Variants in NFKB1 observed in about 807,000 individuals in gnomAD.
The protein encoded by NFKB1 is nuclear factor kappa B subunit 1.
A neutral mutation model predicts 105.1 loss-of-function variants in NFKB1; 9 were observed. The ratio of observed to expected loss-of-function variants is 0.09; its 90% CI spans 0.05 to 0.15. The LOEUF is 0.15. NFKB1 is among the 10% of genes least tolerant of loss of function. The pLI, the probability that NFKB1 is intolerant of heterozygous loss-of-function variation, is 1.00. For missense variants in NFKB1, 830 were observed against 1,203.7 expected, an observed-to-expected ratio of 0.69 and a Z score of 4.59; for synonymous variants, 440 against 442.2, an observed-to-expected ratio of 1.00 and a Z score of 0.06.
At chr4:102,581,537 C>G (rs567032143) in intron 9 of NFKB1, among the ~76,000 whole-genome samples, 2 of 152,030 alleles carry the variant, frequency 1.3e-5, no homozygotes, top group East Asian at 3.9e-4. Flanking sequence ...GCCTGTAATC[C>G]CAGCACTTTG....
chr4:102,550,707 T>C (rs1722507266), intron 5 of NFKB1, among the ~76,000 whole-genome samples: 2 of 152,214 alleles, frequency 1.3e-5, no homozygotes, highest in Admixed American at 6.6e-5. Context: ...AAAATTTCTT[T>C]GTAGTTCTTT....
chr4:102,606,911 T>G (rs1227571826), intron 17 of NFKB1, among the ~76,000 whole-genome samples: 2 of 152,242 alleles, frequency 1.3e-5, no homozygotes, highest in South Asian at 4.1e-4. Context: ...AGCAGAGGCC[T>G]GAGTAAAGAT....
chr4:102,604,873 A>G (rs1727551975), intron 16 of NFKB1, among the ~76,000 whole-genome samples: 1 of 151,986 alleles, frequency 6.6e-6, no homozygotes. Flanking sequence ...GCCCACAGCC[A>G]TAGCATGAAG....
At chr4:102,567,501 A>G (rs1288675131) in intron 6 of NFKB1, among the ~76,000 whole-genome samples, 2 of 152,240 alleles carry the variant, frequency 1.3e-5, no homozygotes, top group Non-Finnish European at 2.9e-5. Flanking sequence ...AAACATAACT[A>G]TAGCAGAAAT....
chr4:102,530,906 T>C (rs966791255), intron 3 of NFKB1, among the ~76,000 whole-genome samples: 1 of 152,196 alleles, frequency 6.6e-6, no homozygotes, highest in Non-Finnish European at 1.5e-5. Context: ...TTTCTGTCTT[T>C]ACCCCTACAA....
In NFKB1 at chr4:102,607,660, T is replaced by C. The variant is rs4648099; in HGVS notation, c.2136T>C (p.His712=). The C allele has an allele frequency of 3.7e-6, 6 of 1,613,972 alleles. No individual in the cohort carries two copies. In the African/African-American group the frequency reaches 6.7e-5, roughly 18 times the overall value. ...AGCLLLEGDA[H]VDSTTYDGTT... Reference sequence around the variant, plus strand: ...GGGCTGGATTGTAGGGTGATGCCCATGTGGACAGTACTACCTACGATGGAA... The same window carrying C: ...GGGCTGGATTGTAGGGTGATGCCCACGTGGACAGTACTACCTACGATGGAA... The change falls in exon 19 of 24, where the codon CAT becomes CAC. Residue 712 remains histidine (H), a synonymous_variant. Coordinates refer to ENST00000226574, the MANE Select transcript of NFKB1 (RefSeq NM_003998.4).
chr4:102,506,201 AT>A (rs1047436780), intron 1 of NFKB1, among the ~76,000 whole-genome samples: 7 of 152,166 alleles, frequency 4.6e-5, no homozygotes, highest in Non-Finnish European at 1.0e-4. Flanking sequence ...GAAAAATGTA[AT>A]TTTTTGGTGA....
chr4:102,554,254 G>T (rs935921541), intron 5 of NFKB1, among the ~76,000 whole-genome samples: 1 of 152,104 alleles, frequency 6.6e-6, no homozygotes, highest in Non-Finnish European at 1.5e-5. Flanking sequence ...TAACCCAAAT[G>T]TTTTTATCTG....
chr4:102,538,767 A>C (rs914786928), intron 5 of NFKB1, among the ~76,000 whole-genome samples: 5 of 152,212 alleles, frequency 3.3e-5, no homozygotes, highest in Non-Finnish European at 2.9e-5. Flanking sequence ...CAACAATTGT[A>C]ATTTAGTTTT....
intron 2 of NFKB1, among the ~76,000 whole-genome samples, chr4:102,526,313 G>T (rs1266652325): frequency 6.6e-6 from 1 of 152,060 alleles, no homozygotes; most frequent in Non-Finnish European, 1.5e-5. Flanking sequence ...GTAGAGAGTG[G>T]AATGACAGAC....
chr4:102,545,407 T>TA (rs1722057046), intron 5 of NFKB1, among the ~76,000 whole-genome samples: 1 of 152,166 alleles, frequency 6.6e-6, no homozygotes, highest in Non-Finnish European at 1.5e-5. Context: ...TGTGCTTACT[T>TA]ACATCATCTC....
At chr4:102,512,971 C>A (rs35566216) in intron 1 of NFKB1, among the ~76,000 whole-genome samples, 381 of 152,226 alleles carry the variant, frequency 2.5e-3, no homozygotes, top group African/African-American at 8.5e-3. Context: ...TGTATTTGAA[C>A]AAAAGAATAC....
chr4:102,595,043 T>G, intron 13 of NFKB1, 62 bp downstream of exon 13: 1 of 1,140,154 alleles, frequency 8.8e-7, no homozygotes, highest in Non-Finnish European at 1.3e-6. Context: ...TAAAAAGGGT[T>G]TTTAAAATCA....
At chr4:102,565,679 C>A (rs959401361) in intron 5 of NFKB1, among the ~76,000 whole-genome samples, 2 of 151,974 alleles carry the variant, frequency 1.3e-5, no homozygotes, top group Non-Finnish European at 2.9e-5. Flanking sequence ...CCCTCCCTCT[C>A]TCCCTCCCTC....
intron 1 of NFKB1, among the ~76,000 whole-genome samples, chr4:102,515,101 A>ATTTTTTTTTTTT: frequency 8.5e-6 from 1 of 117,376 alleles, no homozygotes; most frequent in Non-Finnish European, 1.8e-5. Flanking sequence ...TATTATTATT[A>ATTTTTTTTTTTT]TTATTATTTT....
chr4:102,564,880 A>G (rs1228569535), intron 5 of NFKB1, among the ~76,000 whole-genome samples: 1 of 152,180 alleles, frequency 6.6e-6, no homozygotes, highest in Non-Finnish European at 1.5e-5. Context: ...GTGTAATTAC[A>G]TGGTTTATTT....
intron 3 of NFKB1, among the ~76,000 whole-genome samples, chr4:102,531,364 T>C (rs1741277507): frequency 2.0e-5 from 3 of 152,228 alleles, no homozygotes; most frequent in African/African-American, 4.8e-5. Context: ...TTTACCTGTA[T>C]GTTTTTCCCT....
chr4:102,530,474 A>C (rs1483184488), intron 3 of NFKB1, among the ~76,000 whole-genome samples: 1 of 151,214 alleles, frequency 6.6e-6, no homozygotes, highest in Non-Finnish European at 1.5e-5. Context: ...AAGAGTAATA[A>C]AAAAAAAACT....
chr4:102,553,395 G>A (rs781698843), intron 5 of NFKB1, among the ~76,000 whole-genome samples: 5 of 152,014 alleles, frequency 3.3e-5, no homozygotes, highest in Non-Finnish European at 7.4e-5. Flanking sequence ...CAGAGTCAGA[G>A]ATATTCTTAA....
Sources: allele counts gnomAD v4.1 joint callset (sites outside exome capture counted in the v4.1 genomes callset), GRCh38; gene constraint gnomAD v4.1.1; transcripts MANE v1.5; gene names NCBI Gene and HGNC (gene_info 2026-07-23, HGNC 2026-07-21).